EEF1A2: variants seen among roughly 807,000 people sequenced by gnomAD.
EEF1A2 encodes the protein eukaryotic translation elongation factor 1 alpha 2, also known as elongation factor 1-alpha 2.
In EEF1A2, 5 loss-of-function variants were observed where a neutral mutation model predicts 39.3. The observed-to-expected ratio is 0.13, with a 90% CI of 0.07 to 0.27. The LOEUF is 0.27. Among genes scored for constraint, EEF1A2 ranks in the 10% least tolerant of loss-of-function variants. The probability of loss-of-function intolerance (pLI) is 1.00; values close to 1 mark genes in which losing one functional copy is unlikely to be tolerated. For missense variants in EEF1A2, 218 were observed against 681.4 expected, an observed-to-expected ratio of 0.32 and a Z score of 7.57; for synonymous variants, 287 against 293.7, an observed-to-expected ratio of 0.98 and a Z score of 0.23.
intron 5 of EEF1A2, among the ~76,000 whole-genome samples, chr20:63,492,815 A>AT (rs2082396512): frequency 7.7e-6 from 1 of 130,104 alleles, no homozygotes. Flanking sequence ...GATAGAGAGA[A>AT]GGATGGATGG....
At position 63,490,599 on chromosome 20, in the gene EEF1A2, C is replaced by A. The variant is rs953259985; in HGVS notation, c.909G>T (p.Leu303=). ...CATTGAAGCCGACGTTGTCGCCGGG[C>A]AGAGCTTCGCTCAGAGCCTCGTGGT... ...EMHHEALSEA[L]PGDNVGFNVK... The change falls in exon 6 of 8, where the codon CTG becomes CTT. Residue 303 remains leucine, a synonymous_variant. Coordinates refer to ENST00000217182, the MANE Select transcript of EEF1A2 (RefSeq NM_001958.5). The A allele has an allele frequency of 5.0e-6, 8 of 1,612,692 alleles. No individual in the cohort carries two copies. The highest frequency in any genetic ancestry group is 6.8e-6 in the Non-Finnish European group (8 of 1,179,974).
intron 7 of EEF1A2, 110 bp downstream of exon 7, chr20:63,488,808 G>A: frequency 8.2e-7 from 1 of 1,220,964 alleles, no homozygotes; most frequent in Non-Finnish European, 1.1e-6. Flanking sequence ...AAGCTCCGCA[G>A]GAAAGGGGGC....
At chr20:63,496,100 G>A in intron 2 of EEF1A2, 65 bp from the exon 3 acceptor site, 1 of 1,581,940 alleles carries the variant, frequency 6.3e-7, no homozygotes, top group East Asian at 2.2e-5. Context: ...GGTGGTGCGA[G>A]CTGCTTGTTA....
Position 63,498,923 on chromosome 20 carries a change from C to T in EEF1A2, c.-72+135G>A, listed in dbSNP as rs1313197121. On this transcript the variant is annotated intron_variant, in intron 1 of 7. Transcript: ENST00000217182. The surrounding 1 kb of genome is among the most constrained non-coding windows in gnomAD (Gnocchi z 4.1). ...CCCAGCCCGGCCGACGCGGGGACCC[C>T]CGGAAGCCGGACTCCGGGCGCGCGC... 6.7e-6 allele frequency: 1 copy of T among 149,562 alleles called. No homozygotes were observed. The highest frequency in any genetic ancestry group is 1.5e-5 in the Non-Finnish European group (1 of 67,144). 9.3% of individuals were successfully genotyped at this position (149,562 alleles called of 1,614,324 possible). A position where few individuals can be genotyped will look rare whatever the true frequency, so the allele number is the denominator to read the frequency against.
intron 5 of EEF1A2, among the ~76,000 whole-genome samples, chr20:63,492,142 AT>A (rs2082386093): frequency 1.9e-5 from 1 of 51,478 alleles, no homozygotes. Context: ...AAGTGGATGG[AT>A]GGGGAGGTGG....
At chr20:63,492,238 ATAGGTAGG>A (rs2145942154) in intron 5 of EEF1A2, among the ~76,000 whole-genome samples, 1 of 126,566 alleles carries the variant, frequency 7.9e-6, no homozygotes, top group African/African-American at 3.0e-5. Context: ...GGATGGATGG[ATAGGTAGG>A]TGGGTGGATG....
At chr20:63,495,126 C>A in intron 3 of EEF1A2, 25 bp from the exon 4 acceptor site, 1 of 1,596,468 alleles carries the variant, frequency 6.3e-7, no homozygotes, top group South Asian at 1.1e-5. Context: ...ACACAGTGAG[C>A]CCTGCCCCGC....
chr20:63,492,122 ATGGATGGGGAAG>A, intron 5 of EEF1A2, among the ~76,000 whole-genome samples: 1 of 76,474 alleles, frequency 1.3e-5, no homozygotes, highest in Non-Finnish European at 2.7e-5. Context: ...GGATGGATGG[ATGGATGGGGAAG>A]TGGATGGATG....
Position 63,488,354 on chromosome 20 carries a change from C to T in EEF1A2, c.1336G>A (p.Gly446Ser). Residue 446 changes from glycine to serine, a missense_variant, in exon 8 of 8, where the codon GGC becomes AGC. Physicochemically the swap from Gly to Ser is moderately conservative, Grantham distance 56. Around this residue, in one of 4 missense-constraint regions of EEF1A2, gnomAD observed 31 missense variants for 57.0 expected, o/e 0.54. Transcript: ENST00000217182. ...GACTTGGTGACCTTGCCGGCGCCGCCGCTCTTCTTCTCCACGTTCTTGATG... is the reference window on the plus strand; with the variant it reads ...GACTTGGTGACCTTGCCGGCGCCGCTGCTCTTCTTCTCCACGTTCTTGATG... ...GVIKNVEKKSGGAGKVTKSAQ... is the reference protein window; with the variant it reads ...GVIKNVEKKSSGAGKVTKSAQ... 2 of 1,474,060 alleles carry T rather than the reference C, an allele frequency of 1.4e-6. No homozygotes were observed. The highest frequency in any genetic ancestry group is 1.3e-5 in the South Asian group (1 of 77,528). 91.3% of individuals were successfully genotyped at this position (1,474,060 alleles called of 1,614,324 possible).
intron 3 of EEF1A2, 92 bp from the exon 4 acceptor site, chr20:63,495,193 G>A: frequency 2.6e-6 from 4 of 1,520,208 alleles, no homozygotes; most frequent in Non-Finnish European, 3.5e-6. Flanking sequence ...GCCTCTCCAG[G>A]CAGCGGGCTG....
intron 7 of EEF1A2, 101 bp downstream of exon 7, chr20:63,488,817 G>T: frequency 7.9e-7 from 1 of 1,270,764 alleles, no homozygotes; most frequent in Non-Finnish European, 1.1e-6. Flanking sequence ...AGGAAAGGGG[G>T]CCCACTGCTG....
In EEF1A2 at chr20:63,489,286, G is replaced by T. The variant is rs59410135; in HGVS notation, c.1030-134C>A. 719 of 820,632 alleles carry T rather than the reference G, an allele frequency of 8.8e-4. 3 individuals carry two copies. The African/African-American group carries it at 0.011, about 13-fold the overall frequency. 50.8% of individuals were successfully genotyped at this position (820,632 alleles called of 1,614,324 possible). On this transcript the variant is annotated intron_variant, in intron 6 of 7. Coordinates refer to ENST00000217182, the MANE Select transcript of EEF1A2 (RefSeq NM_001958.5). ...GGGCCCGGAGTGCTGACTGGAGGGGGCTCAGGCTCTGAGGACCCAGCCCCC... is the reference window on the plus strand; with the variant it reads ...GGGCCCGGAGTGCTGACTGGAGGGGTCTCAGGCTCTGAGGACCCAGCCCCC...
At chr20:63,488,874 G>T in intron 7 of EEF1A2, 44 bp downstream of exon 7, 2 of 1,595,446 alleles carry the variant, frequency 1.3e-6, no homozygotes, top group South Asian at 2.2e-5. Context: ...GCCTGGATCA[G>T]CCACAGCCTG....
At chr20:63,490,381 T>C (rs2082372841) in intron 6 of EEF1A2, 98 bp downstream of exon 6, 3 of 1,472,250 alleles carry the variant, frequency 2.0e-6, no homozygotes, top group Non-Finnish European at 2.7e-6. Context: ...TCTGGTTTTC[T>C]CCCCACGCCA....
At chr20:63,491,180 TGGCCCTGCTCCCTGCTCCCTGCA>T (rs55974436) in intron 5 of EEF1A2, among the ~76,000 whole-genome samples, 17,205 of 98,468 alleles carry the variant, frequency 0.17, 1,663 homozygotes, top group African/African-American at 0.43. Flanking sequence ...TGGGGCCTGG[TGGCCCTGCTCCCTGCTCCCTGCA>T]GGCCCTGCTC....
At chr20:63,491,548 C>A (rs1443001967) in intron 5 of EEF1A2, among the ~76,000 whole-genome samples, 1 of 152,156 alleles carries the variant, frequency 6.6e-6, no homozygotes, top group Admixed American at 6.5e-5. Context: ...GGCTGCAGCC[C>A]ACTGGCTGGG....
rs551302193 is a variant in EEF1A2, at chr20:63,494,682, G to A, written c.621+123C>T. ...CAGTTAGGGAAACCCAGCAGGTTTCGAGGGGAACCTGCATTTCCCGGGGAC... is the reference window on the plus strand; with the variant it reads ...CAGTTAGGGAAACCCAGCAGGTTTCAAGGGGAACCTGCATTTCCCGGGGAC... On this transcript the variant is annotated intron_variant, in intron 4 of 7. Transcript: ENST00000217182. The A allele has an allele frequency of 3.8e-5, 51 of 1,341,680 alleles. No individual in the cohort carries two copies. The South Asian group carries it at 6.0e-4, about 16-fold the overall frequency. 83.1% of individuals were successfully genotyped at this position (1,341,680 alleles called of 1,614,324 possible).
At chr20:63,496,256 G>A (rs2082416227) in intron 2 of EEF1A2, 1 of 587,358 alleles carries the variant, frequency 1.7e-6, no homozygotes, top group African/African-American at 1.9e-5. Flanking sequence ...TCCGAAATGG[G>A]CGCGGCTACG....
At chr20:63,495,176 C>T in intron 3 of EEF1A2, 75 bp from the exon 4 acceptor site, 1 of 1,549,348 alleles carries the variant, frequency 6.5e-7, no homozygotes, top group East Asian at 2.3e-5. Flanking sequence ...CCCCACCTCA[C>T]TTCCAGGCCT....
Sources: gnomAD v4.1 joint callset for allele counts (sites outside exome capture counted in the v4.1 genomes callset) on GRCh38, gnomAD v4.1.1 for gene constraint, gnomAD v4.1.1 regional missense constraint, Gnocchi (gnomAD v3.1) non-coding constraint, MANE v1.5 for transcripts, NCBI Gene and HGNC (gene_info 2026-07-23, HGNC 2026-07-21) for gene names.